Variants in KLHL22 observed in about 807,000 individuals in gnomAD.
KLHL22 encodes the protein kelch like family member 22.
KLHL22 carries 18 observed loss-of-function variants against 60.7 expected under a neutral mutation model. The observed-to-expected ratio is 0.30, with a 90% CI of 0.20 to 0.44. The LOEUF (loss-of-function observed/expected upper bound fraction) is 0.44. Ranked by LOEUF, KLHL22 falls within the 20% of genes least tolerant of loss-of-function variation. The probability of loss-of-function intolerance (pLI) is 1.00; values close to 1 mark genes in which losing one functional copy is unlikely to be tolerated. For synonymous variants in KLHL22, 355 were observed against 354.5 expected, an observed-to-expected ratio of 1.00 and a Z score of -0.01; for missense variants, 596 against 852.3, an observed-to-expected ratio of 0.70 and a Z score of 3.74.
At chr22:20,482,747 A>AC in intron 2 of KLHL22, 1 of 493,884 alleles carries the variant, frequency 2.0e-6, no homozygotes, top group South Asian at 2.4e-5. Flanking sequence ...TAATTTTTGT[A>AC]TTTTTTTTTG....
At chr22:20,492,761 C>T (rs995752402) in intron 1 of KLHL22, among the ~76,000 whole-genome samples, 4 of 152,018 alleles carry the variant, frequency 2.6e-5, no homozygotes, top group Admixed American at 2.6e-4. Context: ...AGCTAATTTT[C>T]TTGCATTTTT....
chr22:20,484,256 G>A (rs371271168), intron 2 of KLHL22: 6 of 391,094 alleles, frequency 1.5e-5, no homozygotes, highest in African/African-American at 6.4e-5. Context: ...GCCTCCCAAA[G>A]TGCTAGGATT....
At chr22:20,470,929 A>G (rs571380131) in intron 3 of KLHL22, among the ~76,000 whole-genome samples, 2 of 152,356 alleles carry the variant, frequency 1.3e-5, no homozygotes, top group South Asian at 4.1e-4. Flanking sequence ...AAAACACATA[A>G]GTTTTCAAGA....
chr22:20,457,883 G>A lies in KLHL22; in HGVS notation c.1230C>T (p.His410=), dbSNP rs1370786448. 8 of 1,612,608 alleles carry A rather than the reference G, an allele frequency of 5.0e-6. No homozygotes were observed. The Middle Eastern group carries it at 5.0e-4, about 100-fold the overall frequency. ...AGCGCTCCACAGCATTCAGGTCATT[G>A]TGGTAGTCACGGCCCGCCACAGCGT... is the stretch of plus-strand genomic sequence containing the variant. The part of the protein sequence containing the change: ...YIYAVAGRDY[H]NDLNAVERYD... The change falls in exon 5 of 7, where the codon CAC becomes CAT. Residue 410 remains histidine, a synonymous_variant. Coordinates refer to ENST00000328879, the MANE Select transcript of KLHL22 (RefSeq NM_032775.4).
chr22:20,461,771 T>A (rs1428386144), intron 4 of KLHL22, among the ~76,000 whole-genome samples: 1 of 151,896 alleles, frequency 6.6e-6, no homozygotes, highest in Admixed American at 6.6e-5. Flanking sequence ...AAGACCAACT[T>A]GGTCAACATG....
At chr22:20,458,931 C>T (rs1229645545) in intron 4 of KLHL22, among the ~76,000 whole-genome samples, 1 of 152,112 alleles carries the variant, frequency 6.6e-6, no homozygotes, top group Non-Finnish European at 1.5e-5. Flanking sequence ...ATTCCAGGGA[C>T]CCCCATGGGA....
intron 2 of KLHL22, among the ~76,000 whole-genome samples, chr22:20,474,404 T>C (rs562868128): frequency 2.0e-5 from 3 of 152,252 alleles, no homozygotes; most frequent in African/African-American, 7.2e-5. Context: ...TTATTTTATT[T>C]TTTTAAGATG....
chr22:20,454,661 G>A (rs1378991606), intron 5 of KLHL22, among the ~76,000 whole-genome samples: 2 of 152,058 alleles, frequency 1.3e-5, no homozygotes, highest in Non-Finnish European at 2.9e-5. Flanking sequence ...AATTTTGATA[G>A]GAATACTAGT....
At chr22:20,484,540 C>T (rs2053555941) in intron 2 of KLHL22, among the ~76,000 whole-genome samples, 1 of 152,074 alleles carries the variant, frequency 6.6e-6, no homozygotes, top group South Asian at 2.1e-4. Flanking sequence ...AGTGATCTGC[C>T]GGCCTTGGGC....
intron 2 of KLHL22, chr22:20,488,783 C>A: frequency 1.7e-6 from 1 of 583,564 alleles, no homozygotes; most frequent in Non-Finnish European, 3.0e-6. Flanking sequence ...GAGGCAAAGC[C>A]CAAGAAACAG....
Position 20,457,933 on chromosome 22 carries a change from C to T in KLHL22, c.1180G>A (p.Val394Met), listed in dbSNP as rs780968501. The T allele has an allele frequency of 4.3e-6, 7 of 1,614,072 alleles. No individual in the cohort carries two copies. The highest frequency in any genetic ancestry group is 3.4e-6 in the Non-Finnish European group (4 of 1,180,022). ...TAGATGTACCTGCCTACAACACACA[C>T]GGACAGGTCGGCGTGCTCCTGCTGC... ...SLQQEHADLS[V>M]CVVGRYIYAV... Residue 394 changes from valine to methionine, a missense_variant, in exon 5 of 7, where the codon GTG (valine) becomes ATG (methionine). Coordinates refer to ENST00000328879, the MANE Select transcript of KLHL22 (RefSeq NM_032775.4).
At chr22:20,468,810 C>A (rs1486038969) in intron 3 of KLHL22, among the ~76,000 whole-genome samples, 3 of 152,114 alleles carry the variant, frequency 2.0e-5, no homozygotes, top group African/African-American at 7.2e-5. Context: ...CAGGTGCATG[C>A]CACCATGCCC....
intron 2 of KLHL22, chr22:20,483,193 G>A (rs1372453508): frequency 1.5e-6 from 1 of 645,246 alleles, no homozygotes; most frequent in African/African-American, 1.8e-5. Flanking sequence ...TGATCTCCAA[G>A]GACTGGACGT....
intron 4 of KLHL22, among the ~76,000 whole-genome samples, chr22:20,462,098 T>A (rs2053163645): frequency 6.8e-6 from 1 of 146,326 alleles, no homozygotes; most frequent in African/African-American, 2.6e-5. Context: ...AGACTCCATC[T>A]CAAAACAAAA....
chr22:20,477,295 G>T (rs2053430380), intron 2 of KLHL22, among the ~76,000 whole-genome samples: 1 of 151,958 alleles, frequency 6.6e-6, no homozygotes, highest in Non-Finnish European at 1.5e-5. Context: ...GGTGGTTGAG[G>T]CATGAGAATC....
At chr22:20,451,079 A>G in intron 5 of KLHL22, 9 of 1,462,202 alleles carry the variant, frequency 6.2e-6, no homozygotes, top group Non-Finnish European at 8.6e-6. Flanking sequence ...AAGAGATGTT[A>G]TGTGGCCTCA....
At chr22:20,483,169 C>G (rs2053533275) in intron 2 of KLHL22, 15 of 633,770 alleles carry the variant, frequency 2.4e-5, no homozygotes, top group South Asian at 2.3e-4. Flanking sequence ...TCAGATTTCT[C>G]AAGGAGTCCA....
At chr22:20,492,272 C>T (rs1342727881) in intron 1 of KLHL22, among the ~76,000 whole-genome samples, 1 of 152,134 alleles carries the variant, frequency 6.6e-6, no homozygotes, top group Non-Finnish European at 1.5e-5. Flanking sequence ...GATTCCTTCA[C>T]CTCTCCTCCA....
chr22:20,475,445 G>C (rs1203929749), intron 2 of KLHL22: 1 of 151,840 alleles, frequency 6.6e-6, no homozygotes, highest in Non-Finnish European at 1.5e-5. Flanking sequence ...TTTTATTATT[G>C]AATCTTTCAC....
Sources: allele counts gnomAD v4.1 joint callset (sites outside exome capture counted in the v4.1 genomes callset), GRCh38; gene constraint gnomAD v4.1.1; transcripts MANE v1.5; gene names NCBI Gene and HGNC (gene_info 2026-07-23, HGNC 2026-07-21).